Variants in ITFG2 observed in about 807,000 individuals in gnomAD.
The protein encoded by ITFG2 is integrin alpha FG-GAP repeat containing 2.
Under a neutral mutation model 54.4 loss-of-function variants are expected in ITFG2, and 36 were observed. That is an observed-to-expected ratio of 0.66 (90% CI 0.51 to 0.87). The LOEUF is 0.87. ITFG2 is among the 40% of genes least tolerant of loss of function. ITFG2 has a pLI of 0.00. For missense variants in ITFG2, 524 were observed against 576.7 expected, an observed-to-expected ratio of 0.91 and a Z score of 0.94; for synonymous variants, 211 against 225.4, an observed-to-expected ratio of 0.94 and a Z score of 0.57.
chr12:2,858,888 G>C lies in ITFG2; in HGVS notation n.620+557G>C, dbSNP rs753064494. 5.0e-6 allele frequency: 8 copies of C among 1,613,920 alleles called. No individual in the cohort carries two copies. The Admixed American group carries it at 8.3e-5, about 17-fold the overall frequency. The stretch of plus-strand genomic sequence containing the variant: ...AAAGGGGACGGAGATGAGGTCTAAG[G>C]GTTCTGAACTGAGGAGCCTTTGCGG... On this transcript the variant is annotated intron_variant and non_coding_transcript_variant, in intron 3 of 3. Coordinates refer to the ITFG2 transcript ENST00000537710.
At chr12:2,831,623 G>T (rs984597781), downstream of ITFG2, among the ~76,000 whole-genome samples, 4 of 151,858 alleles carry the variant, frequency 2.6e-5, no homozygotes, top group Non-Finnish European at 5.9e-5. Flanking sequence ...TAAGAACTAG[G>T]ATGCTGGGAG....
At chr12:2,821,432 C>T (rs776914342) in intron 7 of ITFG2, 73 bp downstream of exon 7, 2 of 1,540,210 alleles carry the variant, frequency 1.3e-6, no homozygotes, top group Non-Finnish European at 1.8e-6. Flanking sequence ...AGATCCATAG[C>T]TTTCCCCTCA....
chr12:2,859,472 C>T (rs1033966332), intron 3 of ITFG2: 7 of 1,613,962 alleles, frequency 4.3e-6, no homozygotes, highest in Non-Finnish European at 5.9e-6. Context: ...GGGAGGGCCA[C>T]TCTTCCAAGG....
intron 2 of ITFG2, among the ~76,000 whole-genome samples, chr12:2,846,164 G>A (rs2098052861): frequency 1.3e-5 from 2 of 152,228 alleles, no homozygotes; most frequent in Admixed American, 6.5e-5. Context: ...CTGCAGAGCA[G>A]AGGCTGTTCC....
chr12:2,823,062 T>C (rs975821564), intron 10 of ITFG2, 151 bp downstream of exon 10: 4 of 648,330 alleles, frequency 6.2e-6, no homozygotes, highest in Non-Finnish European at 1.1e-5. Flanking sequence ...AGCTCTTTTG[T>C]TTGGGGGTGA....
At position 2,821,344 on chromosome 12, in the gene ITFG2, G is replaced by A. The variant is rs1343842611; in HGVS notation, c.778G>A (p.Gly260Ser). The change falls in exon 7 of 12, where the codon GGC becomes AGC. Residue 260 changes from glycine (G) to serine (S), a missense_variant. Physicochemically the swap from Gly to Ser is moderately conservative, Grantham distance 56. Transcript: ENST00000228799. ...CAAGAATGTCTCCACTCACCTAATT[G>A]GCAACATCAAACAAGGTGAAAGTGT... is the stretch of plus-strand genomic sequence containing the variant. ...HNKNVSTHLI[G>S]NIKQGHGTES... 3 of 1,608,046 alleles carry A rather than the reference G, an allele frequency of 1.9e-6. No individual in the cohort carries two copies. In the Admixed American group the frequency reaches 5.1e-5, roughly 27 times the overall value.
intron 2 of ITFG2, among the ~76,000 whole-genome samples, chr12:2,847,068 C>G (rs12310945): frequency 0.085 from 12,912 of 152,152 alleles, 836 homozygotes; most frequent in East Asian, 0.3. Context: ...AGCTCTGTGG[C>G]TTTGCAGGTT....
chr12:2,813,237 A>G (rs2097913555), intron 1 of ITFG2, among the ~76,000 whole-genome samples: 1 of 152,154 alleles, frequency 6.6e-6, no homozygotes, highest in Non-Finnish European at 1.5e-5. Context: ...GGGTTTCACC[A>G]TGTTGGCCCA....
intron 2 of ITFG2, among the ~76,000 whole-genome samples, chr12:2,848,393 G>A (rs1406675203): frequency 6.6e-6 from 1 of 152,162 alleles, no homozygotes; most frequent in Non-Finnish European, 1.5e-5. Flanking sequence ...TGCTTTGCCT[G>A]CCTCTACTTT....
chr12:2,835,159 A>ATGTGTGTGTGTGTG (rs375198605), upstream of ITFG2: 17 of 1,127,526 alleles, frequency 1.5e-5, 1 homozygote, highest in East Asian at 1.4e-4. Context: ...GATGGGGCGT[A>ATGTGTGTGTGTGTG]TGTGTGTGTG....
chr12:2,823,697 G>GT (rs1428133326), intron 10 of ITFG2, 73 bp from the exon 11 acceptor site: 13 of 1,482,560 alleles, frequency 8.8e-6, no homozygotes, highest in Non-Finnish European at 1.8e-6. Flanking sequence ...TCGGAGGTCT[G>GT]TGTCTTGCTG....
At chr12:2,828,258 C>G, downstream of ITFG2, 1 of 1,348,560 alleles carries the variant, frequency 7.4e-7, no homozygotes, top group Non-Finnish European at 1.1e-6. Context: ...TCGTCACTAT[C>G]TAATTTGAGA....
At chr12:2,859,519 G>C in intron 3 of ITFG2, 1 of 1,613,998 alleles carries the variant, frequency 6.2e-7, no homozygotes, top group Non-Finnish European at 8.5e-7. Context: ...GCTAAGTGTG[G>C]CATTTCCTCC....
At chr12:2,816,118 C>T (rs2097920850) in intron 1 of ITFG2, among the ~76,000 whole-genome samples, 2 of 151,548 alleles carry the variant, frequency 1.3e-5, no homozygotes, top group African/African-American at 4.9e-5. Flanking sequence ...GCAACCTCCA[C>T]CTCCTGGGTT....
downstream of ITFG2, among the ~76,000 whole-genome samples, chr12:2,831,045 G>A (rs1324451387): frequency 1.4e-5 from 2 of 143,368 alleles, no homozygotes; most frequent in East Asian, 2.1e-4. Context: ...AAATCATGCC[G>A]TTTTCCTTGG....
chr12:2,858,735 C>G (rs2098098467), intron 3 of ITFG2: 1 of 1,614,086 alleles, frequency 6.2e-7, no homozygotes, highest in African/African-American at 1.3e-5. Context: ...CAGGATCTTG[C>G]TGAGGCTGTC....
At chr12:2,855,394 T>C (rs1200319176) in intron 2 of ITFG2, 2 of 489,398 alleles carry the variant, frequency 4.1e-6, no homozygotes, top group Admixed American at 2.6e-5. Context: ...GAGGAAGAAC[T>C]CACGCTGAGC....
At chr12:2,835,839 A>G (rs1196349067), upstream of ITFG2, among the ~76,000 whole-genome samples, 1 of 152,172 alleles carries the variant, frequency 6.6e-6, no homozygotes, top group African/African-American at 2.4e-5. Context: ...ATACTTACAT[A>G]TGCATTCTAA....
chr12:2,853,328 T>G (rs2098076893), intron 2 of ITFG2, among the ~76,000 whole-genome samples: 1 of 152,100 alleles, frequency 6.6e-6, no homozygotes. Flanking sequence ...CAGGCTGGAG[T>G]GCAGTGGCGT....
Sources: gnomAD v4.1 joint callset for allele counts (sites outside exome capture counted in the v4.1 genomes callset) on GRCh38, gnomAD v4.1.1 for gene constraint, MANE v1.5 for transcripts, NCBI Gene and HGNC (gene_info 2026-07-23, HGNC 2026-07-21) for gene names.